Variants in ABCC4 observed in about 807,000 individuals in gnomAD.
ABCC4 encodes ATP binding cassette subfamily C member 4 (PEL blood group), also known as ATP-binding cassette sub-family C member 4.
In ABCC4, 102 loss-of-function variants were observed where a neutral mutation model predicts 168.5. The observed-to-expected ratio is 0.61, with a 90% CI of 0.52 to 0.71. The LOEUF is 0.71. ABCC4 is among the 30% of genes least tolerant of loss of function. The pLI, the probability that ABCC4 is intolerant of heterozygous loss-of-function variation, is 0.00. For missense variants in ABCC4, 1,402 were observed against 1,605.8 expected (o/e 0.87, Z 2.17); for synonymous variants, 617 against 590.7 (o/e 1.04, Z -0.65).
chr13:95,176,632 G>GTCTC (rs1245851393), intron 13 of ABCC4, among the ~76,000 whole-genome samples: 1 of 152,126 alleles, frequency 6.6e-6, no homozygotes, highest in Non-Finnish European at 1.5e-5. Flanking sequence ...ATCTGAACTT[G>GTCTC]TCTCTCTCTC....
chr13:95,211,303 T>C (rs574282933), intron 4 of ABCC4, among the ~76,000 whole-genome samples: 1 of 152,310 alleles, frequency 6.6e-6, no homozygotes, highest in Admixed American at 6.5e-5. Flanking sequence ...CCCCAGCAGA[T>C]ACAGTGACAC....
At chr13:95,082,339 A>G (rs2034124108) in intron 21 of ABCC4, among the ~76,000 whole-genome samples, 1 of 152,216 alleles carries the variant, frequency 6.6e-6, no homozygotes, top group Non-Finnish European at 1.5e-5. Flanking sequence ...GGATTATTTC[A>G]TCTCTGCGAT....
chr13:95,107,854 G>A (rs1022738241), intron 20 of ABCC4, among the ~76,000 whole-genome samples: 4 of 152,108 alleles, frequency 2.6e-5, no homozygotes, highest in African/African-American at 9.7e-5. Context: ...TGGGAGAATT[G>A]TTTGAAGCTG....
chr13:95,234,899 TTC>T (rs2039723040), intron 3 of ABCC4, 65 bp from the exon 4 acceptor site: 1 of 1,173,550 alleles, frequency 8.5e-7, no homozygotes, highest in African/African-American at 1.6e-5. Flanking sequence ...TCTTTTTACT[TTC>T]TCTTTTTTCA....
chr13:95,118,432 C>T (rs879369454), intron 19 of ABCC4, among the ~76,000 whole-genome samples: 6 of 151,992 alleles, frequency 3.9e-5, no homozygotes, highest in South Asian at 2.1e-4. Context: ...TTAGTAGAGA[C>T]GGGGTTTCAC....
chr13:95,073,562 CG>C (rs1555308137), intron 23 of ABCC4: 1 of 290,204 alleles, frequency 3.4e-6, no homozygotes, highest in Non-Finnish European at 6.3e-6. Context: ...GTATTACAAA[CG>C]CAAGAAATAA....
intron 11 of ABCC4, among the ~76,000 whole-genome samples, chr13:95,179,908 GA>G (rs1460287005): frequency 6.6e-6 from 1 of 152,024 alleles, no homozygotes; most frequent in African/African-American, 2.4e-5. Context: ...TAGAATGCCG[GA>G]ACAATCTAAA....
At chr13:95,033,171 T>C (rs1196051194) in intron 30 of ABCC4, among the ~76,000 whole-genome samples, 1 of 152,154 alleles carries the variant, frequency 6.6e-6, no homozygotes, top group African/African-American at 2.4e-5. Flanking sequence ...GGTTTCACCA[T>C]GTTGGCCCCT....
chr13:95,125,427 AC>A (rs1372037146), intron 19 of ABCC4, among the ~76,000 whole-genome samples: 1 of 152,130 alleles, frequency 6.6e-6, no homozygotes, highest in Non-Finnish European at 1.5e-5. Context: ...GGTTTCAGGA[AC>A]TCTCTCTTGG....
chr13:95,135,505 C>T lies in ABCC4; in HGVS notation c.2456-19504G>A, dbSNP rs1051611776. ...ACAGCTCACTGTAGCCTTGACCTCTCGGGCTCAAGTGATCCTCCCACCTCA... is the reference window on the plus strand; with the variant it reads ...ACAGCTCACTGTAGCCTTGACCTCTTGGGCTCAAGTGATCCTCCCACCTCA... On this transcript the variant is annotated intron_variant, in intron 19 of 30. Transcript: ENST00000645237. Among the ~76,000 whole-genome samples the T allele has an allele frequency of 5.3e-5, 8 of 150,860 alleles. No homozygotes were observed. In the South Asian group the frequency reaches 6.3e-4, roughly 12 times the overall value.
rs58749262 is a variant in ABCC4, at chr13:95,208,608, C to CTTTT, written c.786-687_786-684dup. Among the ~76,000 whole-genome samples, 21 of 74,656 alleles carry CTTTT rather than the reference C, an allele frequency of 2.8e-4. 2 individuals carry two copies. Among genetic ancestry groups the CTTTT allele is most frequent in the East Asian group, 1.4e-3 (3 of 2,072 alleles). 49.0% of individuals were successfully genotyped at this position (74,656 alleles called of 152,430 possible). ...AATCTCTTGATCAAAAGCTGTATTT[C>CTTTT]TTTTTTTTTTTTTTTTTTTTTTTTT... On this transcript the variant is annotated intron_variant, in intron 6 of 30. Transcript: ENST00000645237.
intron 25 of ABCC4, among the ~76,000 whole-genome samples, chr13:95,064,254 GTGTGTGTATATATATA>G (rs1351757600): frequency 0.021 from 500 of 23,682 alleles, 12 homozygotes; most frequent in African/African-American, 0.068. Flanking sequence ...GGGTGTGTGT[GTGTGTGTATATATATA>G]TATATATATA....
At chr13:95,104,412 G>T (rs911999060) in intron 20 of ABCC4, among the ~76,000 whole-genome samples, 1 of 152,092 alleles carries the variant, frequency 6.6e-6, no homozygotes, top group Non-Finnish European at 1.5e-5. Context: ...ACATGTCCGG[G>T]TCTGATGTTG....
intron 1 of ABCC4, among the ~76,000 whole-genome samples, chr13:95,262,451 A>G (rs1209557547): frequency 2.0e-5 from 3 of 152,166 alleles, no homozygotes; most frequent in Non-Finnish European, 4.4e-5. Context: ...ATCAATATAC[A>G]CTGATCCTCT....
intron 20 of ABCC4, among the ~76,000 whole-genome samples, chr13:95,097,170 C>A (rs1282302136): frequency 6.6e-6 from 1 of 151,516 alleles, no homozygotes; most frequent in East Asian, 1.9e-4. Context: ...CTAGAGCAAC[C>A]ACTAAAAACA....
chr13:95,216,618 A>C (rs1490761646), intron 4 of ABCC4, among the ~76,000 whole-genome samples: 74 of 151,170 alleles, frequency 4.9e-4, no homozygotes, highest in African/African-American at 1.7e-3. Context: ...CAAAAAAAAA[A>C]AAAAAAAAAA....
rs139736243 is a variant in ABCC4 at position 95,250,354 on chromosome 13, A to T, written c.75-2601T>A. Among the ~76,000 whole-genome samples, 128 of 152,264 alleles carry T rather than the reference A, an allele frequency of 8.4e-4. 1 individual carries two copies. Among genetic ancestry groups the T allele is most frequent in the African/African-American group, 2.8e-3 (116 of 41,550 alleles). On this transcript the variant is annotated intron_variant, in intron 1 of 30. Transcript: ENST00000645237. ...TCGCTTCCCTCCTAACTGTCCTACT[A>T]GGAGTACAATGCTTTCAGGGCAATG...
chr13:95,234,443 T>C (rs1594349762), intron 4 of ABCC4, among the ~76,000 whole-genome samples, 167 bp downstream of exon 4: 1 of 152,208 alleles, frequency 6.6e-6, no homozygotes, highest in Non-Finnish European at 1.5e-5. Context: ...AATGATTCTA[T>C]TTACAGAAGT....
chr13:95,242,103 A>G (rs1476394768), intron 3 of ABCC4, among the ~76,000 whole-genome samples: 1 of 152,178 alleles, frequency 6.6e-6, no homozygotes, highest in Non-Finnish European at 1.5e-5. Flanking sequence ...TTTTTACTAA[A>G]TGCTAGGTTA....
Sources: allele counts gnomAD v4.1 joint callset (sites outside exome capture counted in the v4.1 genomes callset), GRCh38; gene constraint gnomAD v4.1.1; transcripts MANE v1.5; gene names NCBI Gene and HGNC (gene_info 2026-07-23, HGNC 2026-07-21).